Variants in NPEPPS observed in about 807,000 individuals in gnomAD.
NPEPPS encodes the protein aminopeptidase puromycin sensitive, also known as puromycin-sensitive aminopeptidase.
NPEPPS carries 14 observed loss-of-function variants against 115.5 expected under a neutral mutation model. That is an observed-to-expected ratio of 0.12 (90% CI 0.08 to 0.19). NPEPPS has a LOEUF of 0.19. Among genes scored for constraint, NPEPPS ranks in the 10% least tolerant of loss-of-function variants. NPEPPS has a pLI of 1.00. For synonymous variants in NPEPPS, 285 were observed against 390.6 expected, an observed-to-expected ratio of 0.73 and a Z score of 3.19; for missense variants, 523 against 1,110.8, an observed-to-expected ratio of 0.47 and a Z score of 7.52.
chr17:47,552,366 G>T (rs1042090535), intron 2 of NPEPPS, among the ~76,000 whole-genome samples: 2 of 152,158 alleles, frequency 1.3e-5, no homozygotes, highest in Non-Finnish European at 2.9e-5. Flanking sequence ...GTTCAAACTG[G>T]AGCCAAATAA....
chr17:47,600,509 C>T (rs971245248), intron 14 of NPEPPS, among the ~76,000 whole-genome samples: 2 of 152,146 alleles, frequency 1.3e-5, no homozygotes, highest in African/African-American at 4.8e-5. Context: ...TCACAGTTGC[C>T]GTTTTCTGCC....
intron 2 of NPEPPS, among the ~76,000 whole-genome samples, chr17:47,555,701 T>C (rs1909959940): frequency 6.6e-6 from 1 of 152,026 alleles, no homozygotes; most frequent in Admixed American, 6.6e-5. Flanking sequence ...TCCAAATCAA[T>C]GCTTCCTTAC....
At chr17:47,536,388 CTTTTTT>C (rs749380530) in intron 1 of NPEPPS, among the ~76,000 whole-genome samples, 2 of 69,942 alleles carry the variant, frequency 2.9e-5, no homozygotes, top group Admixed American at 1.7e-4. Flanking sequence ...TATTTTCTCT[CTTTTTT>C]TTTTTTTTTT....
intron 1 of NPEPPS, among the ~76,000 whole-genome samples, chr17:47,524,277 C>G (rs1448245789): frequency 9.3e-5 from 14 of 151,184 alleles, no homozygotes; most frequent in Non-Finnish European, 1.9e-4. Flanking sequence ...CCACTGTACT[C>G]CAGCCTGGGC....
chr17:47,549,288 G>C (rs1486403713), intron 2 of NPEPPS, among the ~76,000 whole-genome samples: 2 of 152,222 alleles, frequency 1.3e-5, no homozygotes, highest in East Asian at 3.9e-4. Context: ...GTTGCAGTGA[G>C]CCAGGATCGT....
At chr17:47,543,123 G>A (rs2143700428) in intron 1 of NPEPPS, among the ~76,000 whole-genome samples, 1 of 148,368 alleles carries the variant, frequency 6.7e-6, no homozygotes, top group African/African-American at 2.5e-5. Context: ...TCCATCCTGG[G>A]CGAGAGAGCG....
At chr17:47,588,273 A>C (rs1055496987) in intron 9 of NPEPPS, among the ~76,000 whole-genome samples, 5 of 152,190 alleles carry the variant, frequency 3.3e-5, no homozygotes, top group Non-Finnish European at 2.9e-5. Flanking sequence ...TTTGAAATAT[A>C]ATTTCAGGCC....
rs1277389931 is a variant in NPEPPS at position 47,622,030 on chromosome 17, T to TG, written c.*115dup. 4.3e-6 allele frequency: 6 copies of TG among 1,393,208 alleles called. No individual in the cohort carries two copies. 86.3% of individuals were successfully genotyped at this position (1,393,208 alleles called of 1,614,324 possible). On this transcript the variant is annotated 3_prime_UTR_variant, in exon 23 of 23. Coordinates refer to ENST00000322157, the MANE Select transcript of NPEPPS (RefSeq NM_006310.4). The stretch of plus-strand genomic sequence containing the variant: ...AATTTGGAGTCTTCTTTCAAACCAG[T>TG]GGGGGTTGGACAATGAATGTAGTTA...
At chr17:47,602,277 T>C (rs988270583) in intron 15 of NPEPPS, among the ~76,000 whole-genome samples, 4 of 152,202 alleles carry the variant, frequency 2.6e-5, no homozygotes, top group African/African-American at 9.6e-5. Context: ...AGACTCTTAA[T>C]TGTATGTTCC....
intron 2 of NPEPPS, among the ~76,000 whole-genome samples, chr17:47,558,278 C>T (rs1910193623): frequency 1.3e-5 from 2 of 151,948 alleles, no homozygotes; most frequent in South Asian, 4.2e-4. Context: ...CAGGCTTGTG[C>T]CACCATTCCT....
At chr17:47,567,672 C>T (rs2143796425) in intron 2 of NPEPPS, among the ~76,000 whole-genome samples, 1 of 152,166 alleles carries the variant, frequency 6.6e-6, no homozygotes, top group African/African-American at 2.4e-5. Flanking sequence ...TTTCTGAACT[C>T]CAGAAAGAAA....
intron 19 of NPEPPS, among the ~76,000 whole-genome samples, chr17:47,617,175 C>T (rs1914260500): frequency 6.6e-6 from 1 of 152,016 alleles, no homozygotes; most frequent in Non-Finnish European, 1.5e-5. Flanking sequence ...GCTCTCTTTC[C>T]AGATTTGTTA....
Position 47,601,649 on chromosome 17 carries a change from A to G in NPEPPS, c.1642A>G (p.Thr548Ala), listed in dbSNP as rs374390998. Residue 548 changes from threonine (T) to alanine (A), a missense_variant, in exon 15 of 23, where the codon ACT becomes GCT. Thr to Ala is a moderately conservative substitution (Grantham distance 58). Around this residue, in one of 4 missense-constraint regions of NPEPPS, gnomAD observed 372 missense variants for 542.6 expected, o/e 0.69. Coordinates refer to ENST00000322157, the MANE Select transcript of NPEPPS (RefSeq NM_006310.4). Reference sequence around the variant, plus strand: ...GTGGATGGTCCCTATCACAATCTCTACTAGTGAAGACCCCAACCAGGCCAA... The same window carrying G: ...GTGGATGGTCCCTATCACAATCTCTGCTAGTGAAGACCCCAACCAGGCCAA... Reference protein sequence around the residue: ...PQWMVPITISTSEDPNQAKLK... With the variant: ...PQWMVPITISASEDPNQAKLK... The G allele has an allele frequency of 1.2e-6, 2 of 1,612,268 alleles. No homozygotes were observed. The highest frequency in any genetic ancestry group is 1.3e-5 in the African/African-American group (1 of 74,780).
rs547879939 is a variant in NPEPPS, at chr17:47,559,928, C to T, written c.341-9489C>T. On this transcript the variant is annotated intron_variant, in intron 2 of 22. Transcript: ENST00000322157. ...CCACAAAGCCCCCAGTGTTGATGGT[C>T]CCTGGATTCCCACTTTTGTCCCTGG... is the stretch of plus-strand genomic sequence containing the variant. Among the ~76,000 whole-genome samples, 10 of 152,224 alleles carry T rather than the reference C, an allele frequency of 6.6e-5. No homozygotes were observed. In the East Asian group the frequency reaches 1.9e-3, roughly 29 times the overall value.
intron 13 of NPEPPS, among the ~76,000 whole-genome samples, chr17:47,599,170 T>C (rs1467912678): frequency 6.6e-6 from 1 of 152,180 alleles, no homozygotes; most frequent in Non-Finnish European, 1.5e-5. Context: ...GTTTCAACTT[T>C]CTCAGGGAAA....
chr17:47,597,384 T>C (rs1912944225), intron 13 of NPEPPS, among the ~76,000 whole-genome samples: 1 of 152,214 alleles, frequency 6.6e-6, no homozygotes, highest in Admixed American at 6.5e-5. Context: ...ATTGTTCTCT[T>C]CAGTTTATTT....
intron 1 of NPEPPS, among the ~76,000 whole-genome samples, chr17:47,543,247 C>T (rs1479398711): frequency 3.3e-5 from 5 of 151,150 alleles, no homozygotes; most frequent in Admixed American, 6.6e-5. Flanking sequence ...AGAAAAGATG[C>T]GTAGTAACCA....
At chr17:47,529,921 T>C (rs1360193250), upstream of NPEPPS, among the ~76,000 whole-genome samples, 1 of 47,410 alleles carries the variant, frequency 2.1e-5, no homozygotes, top group East Asian at 1.5e-3. Flanking sequence ...CATCCCATTT[T>C]ATTTATTTAT....
intron 2 of NPEPPS, 49 bp from the exon 3 acceptor site, chr17:47,569,368 T>C: frequency 8.2e-7 from 1 of 1,225,744 alleles, no homozygotes; most frequent in Non-Finnish European, 1.2e-6. Context: ...CTTGATTTCG[T>C]CTTGTCAGTC....
Sources: allele counts gnomAD v4.1 joint callset (sites outside exome capture counted in the v4.1 genomes callset), GRCh38; gene constraint gnomAD v4.1.1; regional missense constraint gnomAD v4.1.1; transcripts MANE v1.5; gene names NCBI Gene and HGNC (gene_info 2026-07-23, HGNC 2026-07-21).